Variants in FMN1 observed in about 807,000 individuals in gnomAD.
FMN1 encodes formin 1.
A neutral mutation model predicts 132.4 loss-of-function variants in FMN1; 110 were observed. The observed-to-expected ratio is 0.83, with a 90% CI of 0.71 to 0.97. The LOEUF (loss-of-function observed/expected upper bound fraction) is 0.97. FMN1 is among the 50% of genes least tolerant of loss of function. FMN1 has a pLI of 0.00. For missense variants in FMN1, 1,792 were observed against 1,705.3 expected, an observed-to-expected ratio of 1.05 and a Z score of -0.90; for synonymous variants, 722 against 651.7, an observed-to-expected ratio of 1.11 and a Z score of -1.64.
chr15:33,056,637 A>G (rs1048482199), intron 6 of FMN1, among the ~76,000 whole-genome samples: 2 of 152,220 alleles, frequency 1.3e-5, no homozygotes, highest in Non-Finnish European at 2.9e-5. Flanking sequence ...TAAAATACAT[A>G]AAGAGGCAGC....
intron 17 of FMN1, among the ~76,000 whole-genome samples, chr15:32,823,671 A>C (rs567870546): frequency 6.6e-6 from 1 of 152,360 alleles, no homozygotes; most frequent in East Asian, 1.9e-4. Flanking sequence ...AAAATGCTAA[A>C]GTAGCAATTT....
chr15:33,167,177 C>A lies in FMN1; in HGVS notation c.-131-12132G>T, dbSNP rs117223992. Among the ~76,000 whole-genome samples the A allele has an allele frequency of 2.8e-3, 420 of 152,238 alleles. 15 individuals are homozygous for A. In the East Asian group the frequency reaches 0.074, roughly 27 times the overall value. ...TCACCTTGAATTGTAATAATCCCCA[C>A]GTGTCATGGGCAGGCCAGGTGGGGA... On this transcript the variant is annotated intron_variant, in intron 3 of 20. Transcript: ENST00000616417.
chr15:33,126,195 GTTA>G (rs1963050566), intron 4 of FMN1, among the ~76,000 whole-genome samples: 1 of 151,628 alleles, frequency 6.6e-6, no homozygotes, highest in Non-Finnish European at 1.5e-5. Context: ...GACATGGTGT[GTTA>G]TTAAGCACCA....
At chr15:32,898,990 C>A (rs189259132) in intron 14 of FMN1, 97 bp from the exon 15 acceptor site, 2 of 830,796 alleles carry the variant, frequency 2.4e-6, no homozygotes, top group South Asian at 3.2e-5. Flanking sequence ...ATTTCTAATT[C>A]GTGAAAACTG....
intron 16 of FMN1, among the ~76,000 whole-genome samples, chr15:32,868,433 C>T (rs2059442309): frequency 6.6e-6 from 1 of 152,094 alleles, no homozygotes; most frequent in East Asian, 1.9e-4. Flanking sequence ...ATAGGCTATA[C>T]CATCTAGCTT....
In FMN1 at chr15:32,964,113, G is replaced by T. The variant is rs563186076; in HGVS notation, c.3132C>A (p.Val1044=). The change falls in exon 9 of 21, where the codon GTC becomes GTA. Residue 1044 remains valine, a synonymous_variant. Transcript: ENST00000616417. ...TGCCATAATCACTCAGTACCTTTTT[G>T]ACCTTGTTTTTCTTCTCATAAGTCT... is the stretch of plus-strand genomic sequence containing the variant. ...LSETYEKKNK[V]KKIIKLLDGK... The T allele has an allele frequency of 3.1e-6, 5 of 1,607,792 alleles. No homozygotes were observed. Among genetic ancestry groups the T allele is most frequent in the Non-Finnish European group, 3.4e-6 (4 of 1,177,474 alleles).
chr15:33,189,814 CAG>C (rs1375671818), intron 2 of FMN1, among the ~76,000 whole-genome samples: 1 of 152,174 alleles, frequency 6.6e-6, no homozygotes. Flanking sequence ...AGGATGGACA[CAG>C]AGAAAACATA....
chr15:33,112,192 T>TA (rs1409498756), intron 4 of FMN1, among the ~76,000 whole-genome samples: 1 of 152,184 alleles, frequency 6.6e-6, no homozygotes, highest in Non-Finnish European at 1.5e-5. Flanking sequence ...CATAGTCATC[T>TA]ACATGATAAA....
chr15:32,923,643 C>G (rs541760017), intron 10 of FMN1, among the ~76,000 whole-genome samples: 1 of 152,290 alleles, frequency 6.6e-6, no homozygotes, highest in East Asian at 1.9e-4. Flanking sequence ...GAAGCATGTT[C>G]TTATCTAGAG....
At chr15:32,896,528 G>A (rs2060161120) in intron 15 of FMN1, among the ~76,000 whole-genome samples, 1 of 152,016 alleles carries the variant, frequency 6.6e-6, no homozygotes, top group African/African-American at 2.4e-5. Context: ...CAGATCTCTA[G>A]AACTTCTTCA....
chr15:32,947,236 T>A (rs1297946315), intron 9 of FMN1, among the ~76,000 whole-genome samples: 2 of 152,112 alleles, frequency 1.3e-5, no homozygotes, highest in Non-Finnish European at 2.9e-5. Context: ...TTTTTTGCCA[T>A]ATATATTCAA....
rs972661749 is a variant in FMN1 at position 33,012,534 on chromosome 15, A to C, written c.2162-4459T>G. 3.9e-6 allele frequency: 6 copies of C among 1,521,184 alleles called. No individual in the cohort carries two copies. The African/African-American group carries it at 8.2e-5, about 21-fold the overall frequency. 94.2% of individuals were successfully genotyped at this position (1,521,184 alleles called of 1,614,324 possible). A position where few individuals can be genotyped will look rare whatever the true frequency, so the allele number is the denominator to read the frequency against. ...AAGTGATTGAAATCATGACTGACCGAGGCAGTGGCAAGAAAAGGGGCTTTG... is the reference window on the plus strand; with the variant it reads ...AAGTGATTGAAATCATGACTGACCGCGGCAGTGGCAAGAAAAGGGGCTTTG... On this transcript the variant is annotated intron_variant, in intron 6 of 20. Transcript: ENST00000616417.
Position 32,919,719 on chromosome 15 carries a change from C to G in FMN1, c.3226+6455G>C, listed in dbSNP as rs545333633. On this transcript the variant is annotated intron_variant, in intron 10 of 20. Coordinates refer to ENST00000616417, the MANE Select transcript of FMN1 (RefSeq NM_001277313.2). ...AGACCAAAAGCCTTTTGAGTAGACA[C>G]TCTTCTAGGCTAGACTGAGATTGTT... Among the ~76,000 whole-genome samples, 289 of 152,298 alleles carry G rather than the reference C, an allele frequency of 1.9e-3. 1 individual carries two copies. Among genetic ancestry groups the G allele is most frequent in the African/African-American group, 6.5e-3 (270 of 41,568 alleles).
chr15:32,799,905 C>T (rs941749543), intron 18 of FMN1, among the ~76,000 whole-genome samples: 1 of 152,148 alleles, frequency 6.6e-6, no homozygotes, highest in African/African-American at 2.4e-5. Context: ...GTGTTGGAAA[C>T]TAATCAAAGC....
chr15:32,809,546 T>C (rs1258802), intron 17 of FMN1, among the ~76,000 whole-genome samples: 149,544 of 152,262 alleles, frequency 0.98, 73,503 homozygotes, highest in Middle Eastern at 1. Flanking sequence ...TCTCTGGACT[T>C]AACTTGCTGC....
intron 6 of FMN1, among the ~76,000 whole-genome samples, chr15:33,008,679 G>A (rs548654929): frequency 1.3e-5 from 2 of 152,130 alleles, no homozygotes; most frequent in Non-Finnish European, 2.9e-5. Context: ...GTCTAATAAT[G>A]TTTATTTCAA....
At chr15:33,162,400 G>T (rs940849231) in intron 3 of FMN1, among the ~76,000 whole-genome samples, 4 of 151,590 alleles carry the variant, frequency 2.6e-5, no homozygotes, top group South Asian at 2.1e-4. Context: ...GACCTATAAG[G>T]TATCAAAGAA....
At position 33,154,351 on chromosome 15, in the gene FMN1, A is replaced by T. The variant is rs1447917525; in HGVS notation, c.564T>A (p.Ala188=). The part of the protein sequence containing the change: ...KRKGRGGRES[A]PLMGKDKICS... ...AGATCTTGTCCTTGCCCATCAGAGG[A>T]GCTGATTCTCGGCCTCCACGCCCTT... The change falls in exon 4 of 21, where the codon GCT becomes GCA. Residue 188 remains alanine, a synonymous_variant. Transcript: ENST00000616417. 2.9e-5 allele frequency: 44 copies of T among 1,535,934 alleles called. No homozygotes were observed. The highest frequency in any genetic ancestry group is 3.6e-5 in the Non-Finnish European group (41 of 1,146,916).
chr15:32,831,384 A>G (rs1163632948), intron 17 of FMN1, among the ~76,000 whole-genome samples: 1 of 152,082 alleles, frequency 6.6e-6, no homozygotes, highest in African/African-American at 2.4e-5. Flanking sequence ...ACCGTTGCTA[A>G]TAATATAACG....
Sources: gnomAD v4.1 joint callset for allele counts (sites outside exome capture counted in the v4.1 genomes callset) on GRCh38, gnomAD v4.1.1 for gene constraint, MANE v1.5 for transcripts, NCBI Gene and HGNC (gene_info 2026-07-23, HGNC 2026-07-21) for gene names.